The following SYT10 variants were observed in gnomAD, a reference collection of about 807,000 sequenced individuals.
SYT10 encodes synaptotagmin-10.
A neutral mutation model predicts 51.1 loss-of-function variants in SYT10; 31 were observed. That is an observed-to-expected ratio of 0.61 (90% CI 0.46 to 0.82). SYT10 has a LOEUF of 0.82. Ranked by LOEUF, SYT10 falls within the 40% of genes least tolerant of loss-of-function variation. The pLI is 0.00. For missense variants in SYT10, 603 were observed against 634.0 expected (o/e 0.95, Z 0.53); for synonymous variants, 233 against 225.9 (o/e 1.03, Z -0.28).
chr12:33,413,093 A>T (rs1866421958), intron 2 of SYT10, among the ~76,000 whole-genome samples: 1 of 152,216 alleles, frequency 6.6e-6, no homozygotes, highest in Non-Finnish European at 1.5e-5. Context: ...GTGACTGAAG[A>T]TCAAATTAAT....
intron 3 of SYT10, among the ~76,000 whole-genome samples, chr12:33,400,027 T>A (rs1866288519): frequency 6.6e-6 from 1 of 152,146 alleles, no homozygotes; most frequent in Non-Finnish European, 1.5e-5. Flanking sequence ...TACTGACTGT[T>A]ACACCCCAGG....
At position 33,387,429 on chromosome 12, in the gene SYT10, G is replaced by T. The variant is rs1373795491; in HGVS notation, c.1078-2138C>A. On this transcript the variant is annotated intron_variant, in intron 3 of 6. Coordinates refer to ENST00000228567, the MANE Select transcript of SYT10 (RefSeq NM_198992.4). ...ATAAAGCATAAGGCACTTTATACAG[G>T]GTTTGGCATGTGATAAGGAATGATG... Among the ~76,000 whole-genome samples, 3 of 152,112 alleles carry T rather than the reference G, an allele frequency of 2.0e-5. No individual in the cohort carries two copies. In the East Asian group the frequency reaches 5.8e-4, roughly 29 times the overall value.
At chr12:33,381,298 C>T (rs562376657) in intron 5 of SYT10, among the ~76,000 whole-genome samples, 1 of 152,140 alleles carries the variant, frequency 6.6e-6, no homozygotes, top group African/African-American at 2.4e-5. Flanking sequence ...GTTTCCCCCC[C>T]TAGCTCTAAG....
At position 33,385,170 on chromosome 12, in the gene SYT10, C is replaced by G; in HGVS notation, c.1198+1G>C. ...TGGTCCTGTGGCCATTGTGTACATA[C>G]CTGATGAGCCAGTAATATCCATCGC... is the stretch of plus-strand genomic sequence containing the variant. On this transcript the variant is annotated splice_donor_variant, in intron 4 of 6. Coordinates refer to ENST00000228567, the MANE Select transcript of SYT10 (RefSeq NM_198992.4). LOFTEE classifies it high-confidence loss of function. The G allele has an allele frequency of 6.2e-7, 1 of 1,613,410 alleles. No homozygotes were observed. The highest frequency in any genetic ancestry group is 8.5e-7 in the Non-Finnish European group (1 of 1,179,656).
At position 33,431,238 on chromosome 12, in the gene SYT10, C is replaced by T. The variant is rs112214762; in HGVS notation, c.152-4743G>A. Among the ~76,000 whole-genome samples, 608 of 152,144 alleles carry T rather than the reference C, an allele frequency of 4.0e-3. 2 individuals carry two copies. Among genetic ancestry groups the T allele is most frequent in the Middle Eastern group, 6.8e-3 (2 of 292 alleles). On this transcript the variant is annotated intron_variant, in intron 1 of 6. Coordinates refer to ENST00000228567, the MANE Select transcript of SYT10 (RefSeq NM_198992.4). Reference sequence around the variant, plus strand: ...GTTGTGCACATCATTGCTAACTTCCCAAGGGTCAGGACTTAGTCATGTGGC... The same window carrying T: ...GTTGTGCACATCATTGCTAACTTCCTAAGGGTCAGGACTTAGTCATGTGGC...
intron 2 of SYT10, among the ~76,000 whole-genome samples, chr12:33,419,226 A>G (rs1412020348): frequency 6.6e-6 from 1 of 152,148 alleles, no homozygotes. Context: ...TATTTTCTGT[A>G]GGACTTATTA....
chr12:33,426,562 T>C (rs953072628), intron 1 of SYT10, 67 bp from the exon 2 acceptor site: 12 of 1,258,492 alleles, frequency 9.5e-6, no homozygotes, highest in Non-Finnish European at 1.3e-5. Flanking sequence ...ATGGAAAGAA[T>C]ATTTTACATC....
chr12:33,425,951 T>G (rs1866546992), intron 2 of SYT10, among the ~76,000 whole-genome samples, 187 bp downstream of exon 2: 1 of 152,022 alleles, frequency 6.6e-6, no homozygotes, highest in African/African-American at 2.4e-5. Flanking sequence ...TCTGCCCCTA[T>G]GTACTCTGTC....
intron 3 of SYT10, among the ~76,000 whole-genome samples, chr12:33,387,290 T>C (rs748042138): frequency 7.2e-5 from 11 of 152,248 alleles, no homozygotes; most frequent in Non-Finnish European, 1.2e-4. Context: ...TTCTACTTTC[T>C]AAAAGTGAGG....
intron 3 of SYT10, among the ~76,000 whole-genome samples, chr12:33,395,904 T>C (rs966377727): frequency 2.6e-5 from 4 of 152,182 alleles, no homozygotes; most frequent in East Asian, 1.9e-4. Context: ...ATTTCAAATA[T>C]GGTAAAACTC....
chr12:33,426,475 C>T lies in SYT10; in HGVS notation c.172G>A (p.Ala58Thr). 6.3e-7 allele frequency: 1 copy of T among 1,581,514 alleles called. No homozygotes were observed. The highest frequency in any genetic ancestry group is 8.6e-7 in the Non-Finnish European group (1 of 1,167,396). The change falls in exon 2 of 7, where the codon GCT (alanine) becomes ACT (threonine). Residue 58 changes from alanine to threonine, a missense_variant. Coordinates refer to ENST00000228567, the MANE Select transcript of SYT10 (RefSeq NM_198992.4). The stretch of plus-strand genomic sequence containing the variant: ...AGTCCACAAAAGCTGACAACGACAG[C>T]TAACAGGCTGACTGAAATATCTGGA... ...SSTDISVSLL[A>T]VVVSFCGLAL... is the part of the protein sequence containing the mutation.
intron 6 of SYT10, among the ~76,000 whole-genome samples, chr12:33,378,004 C>T (rs1419283609): frequency 6.6e-6 from 1 of 152,136 alleles, no homozygotes; most frequent in Non-Finnish European, 1.5e-5. Flanking sequence ...CTGTTCCCTT[C>T]TCATATTTAT....
intron 3 of SYT10, among the ~76,000 whole-genome samples, chr12:33,386,179 C>A (rs1408544893): frequency 1.3e-5 from 2 of 152,076 alleles, no homozygotes; most frequent in South Asian, 4.1e-4. Flanking sequence ...CAACACCACA[C>A]CTGGCTAATT....
intron 3 of SYT10, among the ~76,000 whole-genome samples, chr12:33,396,800 C>A (rs1236681870): frequency 6.6e-6 from 1 of 151,994 alleles, no homozygotes; most frequent in Non-Finnish European, 1.5e-5. Flanking sequence ...TCTGCCTCAG[C>A]CTCCCAAATA....
intron 1 of SYT10, 53 bp downstream of exon 1, chr12:33,439,319 G>A (rs1159463693): frequency 6.4e-7 from 1 of 1,570,054 alleles, no homozygotes; most frequent in Non-Finnish European, 8.6e-7. Flanking sequence ...TTGCAGCCTA[G>A]CGCGCGGGGT....
chr12:33,436,866 A>C (rs1232218290), intron 1 of SYT10, among the ~76,000 whole-genome samples: 1 of 152,212 alleles, frequency 6.6e-6, no homozygotes. Flanking sequence ...GTAAATAAGC[A>C]CTGTGCCATT....
At chr12:33,378,843 TGTGTGTTTGTAGATG>T (rs1866088293) in intron 6 of SYT10, among the ~76,000 whole-genome samples, 2 of 147,310 alleles carry the variant, frequency 1.4e-5, no homozygotes, top group Non-Finnish European at 3.1e-5. Context: ...TGTGTGTGTG[TGTGTGTTTGTAGATG>T]CATTTGTGTG....
At chr12:33,400,382 T>C (rs1027928721) in intron 3 of SYT10, among the ~76,000 whole-genome samples, 1 of 152,202 alleles carries the variant, frequency 6.6e-6, no homozygotes, top group Admixed American at 6.5e-5. Context: ...CATCCAATAC[T>C]CTGAATTGCT....
rs1201020621 is a variant in SYT10 at position 33,406,946 on chromosome 12, T to C, written c.920A>G (p.Asp307Gly). Residue 307 changes from aspartate (D) to glycine (G), a missense_variant, in exon 3 of 7, where the codon GAT (aspartate) becomes GGT (glycine). By Grantham distance (94) the Asp-to-Gly change is moderately conservative. Coordinates refer to ENST00000228567, the MANE Select transcript of SYT10 (RefSeq NM_198992.4). ...ATGTAGTTTTCGGTTGCTTAGTTGA[T>C]CATATGCTACAGGAAATTGAAAAGT... is the stretch of plus-strand genomic sequence containing the variant. ...DETFQFPVAY[D>G]QLSNRKLHFS... is the part of the protein sequence containing the mutation. The C allele has an allele frequency of 4.3e-6, 7 of 1,614,070 alleles. No individual in the cohort carries two copies. Among genetic ancestry groups the C allele is most frequent in the Non-Finnish European group, 5.9e-6 (7 of 1,180,012 alleles).
Sources: gnomAD v4.1 joint callset for allele counts (sites outside exome capture counted in the v4.1 genomes callset) on GRCh38, gnomAD v4.1.1 for gene constraint, MANE v1.5 for transcripts, NCBI Gene and HGNC (gene_info 2026-07-23, HGNC 2026-07-21) for gene names.